AKR1E2: variants seen among roughly 807,000 people sequenced by gnomAD.
AKR1E2 encodes aldo-keto reductase family 1 member E2.
A neutral mutation model predicts 41.9 loss-of-function variants in AKR1E2; 43 were observed. The ratio of observed to expected loss-of-function variants is 1.03; its 90% CI spans 0.80 to 1.32. The LOEUF is 1.32. Ranked by LOEUF, AKR1E2 falls within the 40% of genes most tolerant of loss-of-function variation. AKR1E2 has a pLI of 0.00. For synonymous variants in AKR1E2, 121 were observed against 138.9 expected, an observed-to-expected ratio of 0.87 and a Z score of 0.91; for missense variants, 423 against 396.5, an observed-to-expected ratio of 1.07 and a Z score of -0.57.
the AKR1E2 span, among the ~76,000 whole-genome samples, chr10:4,861,683 G>C: frequency 1.3e-5 from 2 of 152,060 alleles, no homozygotes; most frequent in African/African-American, 4.8e-5. Flanking sequence ...TGTCTTTATA[G>C]TCAAAAATTC....
At chr10:4,846,111 T>G in intron 8 of AKR1E2, 1 of 306,898 alleles carries the variant, frequency 3.3e-6, no homozygotes, top group Non-Finnish European at 6.6e-6. Flanking sequence ...AACCCAAGAA[T>G]CCGCCTACCC....
intron 2 of AKR1E2, among the ~76,000 whole-genome samples, chr10:4,832,718 CCTTTCTTTTA>C (rs755832553): frequency 5.9e-5 from 9 of 152,040 alleles, no homozygotes; most frequent in African/African-American, 1.4e-4. Context: ...ATTTGATTCC[CCTTTCTTTTA>C]CTTTCTTTTA....
At chr10:4,848,384 C>T (rs903624741), downstream of AKR1E2, among the ~76,000 whole-genome samples, 1 of 152,230 alleles carries the variant, frequency 6.6e-6, no homozygotes, top group Non-Finnish European at 1.5e-5. Context: ...CACGCCCAGG[C>T]GTTGGTAGAG....
At chr10:4,848,427 C>A (rs760306861), downstream of AKR1E2, among the ~76,000 whole-genome samples, 2 of 152,306 alleles carry the variant, frequency 1.3e-5, no homozygotes, top group Admixed American at 6.5e-5. Flanking sequence ...GTGGTCCAGA[C>A]GCCATGATCC....
chr10:4,866,737 A>T, the AKR1E2 span, among the ~76,000 whole-genome samples: 33,983 of 147,516 alleles, frequency 0.23, 4,052 homozygotes, highest in Middle Eastern at 0.37. Flanking sequence ...GGGAGCAGAG[A>T]TTTTAAGGAT....
intron 4 of AKR1E2, among the ~76,000 whole-genome samples, chr10:4,836,549 T>C (rs937746542): frequency 6.6e-6 from 1 of 152,074 alleles, no homozygotes; most frequent in African/African-American, 2.4e-5. Flanking sequence ...TTAAGCTTGC[T>C]GAGGTTAGGA....
chr10:4,828,602 T>TA lies in AKR1E2; in HGVS notation c.40-2073_40-2072insA, dbSNP rs532547630. Among the ~76,000 whole-genome samples the TA allele has an allele frequency of 1.2e-4, 18 of 152,288 alleles. No homozygotes were observed. The South Asian group carries it at 2.7e-3, about 23-fold the overall frequency. ...AGCTTAGAAGGTTCCATGAGAAACT[T>TA]TATTGGGGTTTTGATTGGAACTACA... On this transcript the variant is annotated intron_variant, in intron 1 of 9. Transcript: ENST00000298375.
chr10:4,868,108 G>A, the AKR1E2 span, among the ~76,000 whole-genome samples: 1 of 152,126 alleles, frequency 6.6e-6, no homozygotes, highest in Non-Finnish European at 1.5e-5. Context: ...CTAAACTGGG[G>A]TCAGGCCTGT....
At chr10:4,864,549 A>G in the AKR1E2 span, among the ~76,000 whole-genome samples, 1 of 150,156 alleles carries the variant, frequency 6.7e-6, no homozygotes, top group South Asian at 2.1e-4. Flanking sequence ...GAAAACTGGC[A>G]CAAGGCAGGG....
chr10:4,864,480 T>C, the AKR1E2 span, among the ~76,000 whole-genome samples: 9 of 152,062 alleles, frequency 5.9e-5, no homozygotes, highest in African/African-American at 2.2e-4. Flanking sequence ...AAGAGCTATT[T>C]ATGACAAACC....
chr10:4,838,219 T>C (rs1833590182), intron 5 of AKR1E2, among the ~76,000 whole-genome samples: 2 of 152,218 alleles, frequency 1.3e-5, no homozygotes, highest in African/African-American at 4.8e-5. Context: ...CCAGTGCCCC[T>C]GTAACCCCTG....
chr10:4,835,928 T>C (rs1469125577), intron 4 of AKR1E2, 119 bp downstream of exon 4: 45 of 1,407,150 alleles, frequency 3.2e-5, no homozygotes, highest in Non-Finnish European at 7.6e-6. Context: ...GATGTGGGGT[T>C]TGTGGAGCAA....
downstream of AKR1E2, among the ~76,000 whole-genome samples, chr10:4,852,265 A>AAC (rs1834538540): frequency 6.6e-6 from 1 of 152,206 alleles, no homozygotes; most frequent in Non-Finnish European, 1.5e-5. Flanking sequence ...GAGATACGGA[A>AAC]ACAGCAATTT....
intron 6 of AKR1E2, among the ~76,000 whole-genome samples, chr10:4,840,600 C>G (rs368148500): frequency 6.6e-6 from 1 of 152,216 alleles, no homozygotes. Context: ...CTGCCTCTGG[C>G]CTCATTCCTT....
the AKR1E2 span, among the ~76,000 whole-genome samples, chr10:4,866,562 A>C: frequency 6.6e-6 from 1 of 152,150 alleles, no homozygotes; most frequent in African/African-American, 2.4e-5. Context: ...ACGCAGAGCC[A>C]GCTGTGCAGG....
chr10:4,860,375 T>A, the AKR1E2 span, among the ~76,000 whole-genome samples: 4 of 152,206 alleles, frequency 2.6e-5, no homozygotes, highest in African/African-American at 9.7e-5. Context: ...TCTTCGTTTT[T>A]ATAGACAGAA....
chr10:4,832,447 G>T (rs182984202), intron 2 of AKR1E2, among the ~76,000 whole-genome samples: 62 of 152,288 alleles, frequency 4.1e-4, no homozygotes, highest in Non-Finnish European at 5.0e-4. Context: ...GAATAGTCCA[G>T]GTAGGGATGT....
intron 1 of AKR1E2, among the ~76,000 whole-genome samples, chr10:4,827,678 T>C (rs1832654815): frequency 6.6e-6 from 1 of 151,910 alleles, no homozygotes; most frequent in South Asian, 2.1e-4. Context: ...ACTGAAGGAG[T>C]CAGAATGTTC....
At chr10:4,862,154 G>A in the AKR1E2 span, among the ~76,000 whole-genome samples, 1 of 152,220 alleles carries the variant, frequency 6.6e-6, no homozygotes, top group Admixed American at 6.5e-5. Context: ...CATATGGCTA[G>A]CCAGTTTTCC....
Sources: gnomAD v4.1 joint callset for allele counts (sites outside exome capture counted in the v4.1 genomes callset) on GRCh38, gnomAD v4.1.1 for gene constraint, MANE v1.5 for transcripts, NCBI Gene and HGNC (gene_info 2026-07-23, HGNC 2026-07-21) for gene names.